The following PIBF1 variants were observed in gnomAD, a reference collection of about 807,000 sequenced individuals.
PIBF1 encodes the protein progesterone immunomodulatory binding factor 1.
Under a neutral mutation model 112.5 loss-of-function variants are expected in PIBF1, and 90 were observed. That is an observed-to-expected ratio of 0.80 (90% CI 0.67 to 0.95). PIBF1 has a LOEUF of 0.95. PIBF1 is among the 40% of genes least tolerant of loss of function. The pLI is 0.00. For synonymous variants in PIBF1, 301 were observed against 288.6 expected (o/e 1.04, Z -0.44); for missense variants, 915 against 852.3 (o/e 1.07, Z -0.92).
rs1477804917 is a variant in PIBF1, at chr13:72,789,736, A to C, written c.253-2711A>C. Among the ~76,000 whole-genome samples, 5 of 148,936 alleles carry C rather than the reference A, an allele frequency of 3.4e-5. No individual in the cohort carries two copies. In the South Asian group the frequency reaches 8.5e-4, roughly 25 times the overall value. On this transcript the variant is annotated intron_variant, in intron 2 of 17. Transcript: ENST00000326291. ...ATTTCAGATTTTTGATTTTTTTTTTAATTTGGGAATATTTGTGTTAGACCA... is the reference window on the plus strand; with the variant it reads ...ATTTCAGATTTTTGATTTTTTTTTTCATTTGGGAATATTTGTGTTAGACCA...
chr13:72,875,882 G>A (rs77667498), intron 10 of PIBF1, among the ~76,000 whole-genome samples: 2,269 of 152,086 alleles, frequency 0.015, 62 homozygotes, highest in African/African-American at 0.051. Context: ...TCCCAGTCTG[G>A]GGTTTTTATT....
chr13:72,930,948 G>A (rs9600047), intron 13 of PIBF1, among the ~76,000 whole-genome samples: 1,852 of 152,214 alleles, frequency 0.012, 18 homozygotes, highest in Middle Eastern at 0.027. Context: ...AGTCTATCAC[G>A]GTTATGTTTT....
chr13:72,819,591 A>G (rs2036447891), intron 5 of PIBF1, among the ~76,000 whole-genome samples: 1 of 152,038 alleles, frequency 6.6e-6, no homozygotes, highest in Non-Finnish European at 1.5e-5. Flanking sequence ...TCTACTACTT[A>G]CGAGCTCTGA....
rs918720716 is a variant in PIBF1, at chr13:72,886,172, TA to T, written c.1323-7608del. Among the ~76,000 whole-genome samples the T allele has an allele frequency of 9.2e-5, 14 of 152,254 alleles. No individual in the cohort carries two copies. In the South Asian group the frequency reaches 2.7e-3, roughly 29 times the overall value. On this transcript the variant is annotated intron_variant, in intron 10 of 17. Coordinates refer to ENST00000326291, the MANE Select transcript of PIBF1 (RefSeq NM_006346.4). ...TATTAATACTTTACACTATTCTTCA[TA>T]AAAGCATCCCCCTAAAAGTGCTTTT... is the stretch of plus-strand genomic sequence containing the variant.
At chr13:72,842,725 A>G (rs970832791) in intron 9 of PIBF1, among the ~76,000 whole-genome samples, 1 of 152,204 alleles carries the variant, frequency 6.6e-6, no homozygotes, top group African/African-American at 2.4e-5. Flanking sequence ...ATATCTTACC[A>G]GGTATCTGTA....
intron 10 of PIBF1, among the ~76,000 whole-genome samples, chr13:72,887,400 A>G (rs928995860): frequency 2.0e-5 from 3 of 151,884 alleles, no homozygotes; most frequent in Non-Finnish European, 4.4e-5. Flanking sequence ...AAGTAAAAAA[A>G]TTAGAAGTTA....
At chr13:72,900,590 A>G (rs975280435) in intron 11 of PIBF1, among the ~76,000 whole-genome samples, 11 of 152,238 alleles carry the variant, frequency 7.2e-5, no homozygotes, top group Admixed American at 2.0e-4. Flanking sequence ...ACCTTATACA[A>G]AAGTCAACTC....
At chr13:72,790,510 CAT>C (rs2034859187) in intron 2 of PIBF1, among the ~76,000 whole-genome samples, 1 of 140,154 alleles carries the variant, frequency 7.1e-6, no homozygotes, top group Non-Finnish European at 1.5e-5. Context: ...CACACACACA[CAT>C]AGATAGATAG....
intron 13 of PIBF1, among the ~76,000 whole-genome samples, chr13:72,926,226 T>C (rs896314543): frequency 1.3e-5 from 2 of 152,208 alleles, no homozygotes; most frequent in Non-Finnish European, 2.9e-5. Context: ...TCCAAACTTT[T>C]TGATACGAAT....
intron 13 of PIBF1, among the ~76,000 whole-genome samples, chr13:72,924,305 T>A (rs2041404876): frequency 6.6e-6 from 1 of 152,298 alleles, no homozygotes; most frequent in African/African-American, 2.4e-5. Context: ...GTACTTTATT[T>A]TTTTTCTTTA....
chr13:72,984,060 T>C (rs149034957), intron 16 of PIBF1, among the ~76,000 whole-genome samples: 1 of 152,300 alleles, frequency 6.6e-6, no homozygotes, highest in African/African-American at 2.4e-5. Flanking sequence ...ACAAGTCATA[T>C]TTTCCCTATA....
chr13:72,882,751 C>G (rs1172238784), intron 10 of PIBF1, among the ~76,000 whole-genome samples: 1 of 152,076 alleles, frequency 6.6e-6, no homozygotes, highest in Non-Finnish European at 1.5e-5. Flanking sequence ...TCGTCTCACC[C>G]CAGTTAAAAG....
At chr13:72,815,482 G>C (rs1462232305) in intron 5 of PIBF1, among the ~76,000 whole-genome samples, 1 of 152,130 alleles carries the variant, frequency 6.6e-6, no homozygotes, top group African/African-American at 2.4e-5. Context: ...CTTGGAACAT[G>C]GAAGCATCGT....
At chr13:72,952,119 C>T (rs547561954) in intron 14 of PIBF1, among the ~76,000 whole-genome samples, 2 of 147,548 alleles carry the variant, frequency 1.4e-5, no homozygotes, top group African/African-American at 5.0e-5. Flanking sequence ...ACTGCAACCT[C>T]TGTCTCCTCA....
At chr13:72,825,141 TCCTTGGATTACCATTATGGTAATAGAG>T (rs2036743777) in intron 6 of PIBF1, among the ~76,000 whole-genome samples, 3 of 152,026 alleles carry the variant, frequency 2.0e-5, no homozygotes, top group African/African-American at 7.3e-5. Context: ...TGATAATAGA[TCCTTGGATTACCATTATGGTAATAGAG>T]CCTTGGCTCA....
chr13:72,980,903 A>G (rs2043140885), intron 16 of PIBF1, among the ~76,000 whole-genome samples: 1 of 151,998 alleles, frequency 6.6e-6, no homozygotes, highest in East Asian at 1.9e-4. Flanking sequence ...TCCTTAGAAT[A>G]TTTGAAGAAG....
intron 10 of PIBF1, among the ~76,000 whole-genome samples, chr13:72,887,406 A>C (rs2039900569): frequency 6.6e-6 from 1 of 151,906 alleles, no homozygotes. Flanking sequence ...AAAAATTAGA[A>C]GTTATAGATT....
intron 14 of PIBF1, among the ~76,000 whole-genome samples, chr13:72,964,550 G>A (rs1008482451): frequency 6.6e-6 from 1 of 152,088 alleles, no homozygotes. Context: ...TATAAATTAT[G>A]TATTTTTAAA....
chr13:72,974,391 A>G (rs566666932), intron 16 of PIBF1: 2 of 152,330 alleles, frequency 1.3e-5, no homozygotes, highest in South Asian at 2.1e-4. Context: ...AGCCCTATCA[A>G]CCACGGGTGT....
Sources: gnomAD v4.1 joint callset for allele counts (sites outside exome capture counted in the v4.1 genomes callset) on GRCh38, gnomAD v4.1.1 for gene constraint, MANE v1.5 for transcripts, NCBI Gene and HGNC (gene_info 2026-07-23, HGNC 2026-07-21) for gene names.